The following WBP2NL variants were observed in gnomAD, a reference collection of about 807,000 sequenced individuals.
The protein encoded by WBP2NL is postacrosomal sheath WW domain-binding protein.
Under a neutral mutation model 23.3 loss-of-function variants are expected in WBP2NL, and 27 were observed. The observed-to-expected ratio is 1.16, with a 90% CI of 0.85 to 1.60. The LOEUF (loss-of-function observed/expected upper bound fraction) is 1.60, where lower values mean the gene tolerates loss of function less well. Ranked by LOEUF, WBP2NL falls within the 40% of genes most tolerant of loss-of-function variation. The probability of loss-of-function intolerance (pLI) is 0.00; values close to 1 mark genes in which losing one functional copy is unlikely to be tolerated. For synonymous variants in WBP2NL, 151 were observed against 145.9 expected (o/e 1.03, Z -0.25); for missense variants, 370 against 389.5 (o/e 0.95, Z 0.42).
intron 5 of WBP2NL, 38 bp from the exon 6 acceptor site, chr22:42,026,728 A>G (rs766153724): frequency 1.7e-5 from 27 of 1,597,194 alleles, no homozygotes; most frequent in Non-Finnish European, 2.1e-5. Context: ...CTTGACTTAA[A>G]GGTAACTGAA....
chr22:42,044,282 G>A (rs1286171983), intron 8 of WBP2NL, among the ~76,000 whole-genome samples: 1 of 151,698 alleles, frequency 6.6e-6, no homozygotes, highest in Non-Finnish European at 1.5e-5. Flanking sequence ...TGTTGACTAG[G>A]CTGGTCTTGA....
At chr22:42,049,691 AAAACAAAAC>A (rs1925747674) in intron 8 of WBP2NL, among the ~76,000 whole-genome samples, 1 of 56,310 alleles carries the variant, frequency 1.8e-5, no homozygotes, top group African/African-American at 1.7e-4. Flanking sequence ...CTCCGTCTCC[AAAACAAAAC>A]AAAACAAAAA....
chr22:42,051,046 A>G (rs1453092243), intron 8 of WBP2NL, among the ~76,000 whole-genome samples: 2 of 152,266 alleles, frequency 1.3e-5, no homozygotes, highest in Non-Finnish European at 2.9e-5. Flanking sequence ...TCAAATATTT[A>G]TAGCAGCTTT....
At chr22:41,999,416 G>A (rs544892862) in intron 1 of WBP2NL, among the ~76,000 whole-genome samples, 23 of 152,256 alleles carry the variant, frequency 1.5e-4, no homozygotes, top group African/African-American at 5.5e-4. Context: ...CTTCTCCTTG[G>A]ACCTGGAAAC....
intron 1 of WBP2NL, among the ~76,000 whole-genome samples, chr22:42,009,570 A>C (rs571433365): frequency 1.2e-4 from 18 of 152,258 alleles, no homozygotes; most frequent in African/African-American, 4.3e-4. Context: ...TGTTAAATAG[A>C]TTGTCTTTTC....
At chr22:42,012,463 C>T (rs1922909362) in intron 1 of WBP2NL, among the ~76,000 whole-genome samples, 1 of 152,100 alleles carries the variant, frequency 6.6e-6, no homozygotes. Context: ...TTCTTTGACT[C>T]ATTTATTTAA....
intron 5 of WBP2NL, among the ~76,000 whole-genome samples, chr22:42,024,662 T>A (rs1054572952): frequency 6.6e-6 from 1 of 151,948 alleles, no homozygotes; most frequent in Admixed American, 6.6e-5. Context: ...CTTTTGCCTA[T>A]TTTTTTTATT....
intron 1 of WBP2NL, among the ~76,000 whole-genome samples, chr22:42,000,855 A>AACCCAAAAGGTGAATC (rs888164104): frequency 2.6e-5 from 4 of 152,028 alleles, no homozygotes; most frequent in East Asian, 1.9e-4. Flanking sequence ...GAATTGCTTG[A>AACCCAAAAGGTGAATC]ACCCAAAAGG....
At position 42,056,511 on chromosome 22, in the gene WBP2NL, T is replaced by G. The variant is rs9623508; in HGVS notation, c.*274-1779T>G. ...ATGTGGATTCAAGTTACTAGTTTCC[T>G]TCCATTTTGGCCTGAAGGATGTCCT... On this transcript the variant is annotated intron_variant and NMD_transcript_variant, in intron 8 of 8. Coordinates refer to the WBP2NL transcript ENST00000436265. Among the ~76,000 whole-genome samples, 1,468 of 152,326 alleles carry G rather than the reference T, an allele frequency of 9.6e-3. 18 individuals are homozygous for G. Among genetic ancestry groups the G allele is most frequent in the African/African-American group, 0.033 (1,383 of 41,564 alleles).
intron 8 of WBP2NL, among the ~76,000 whole-genome samples, chr22:42,056,066 A>G (rs1017020816): frequency 3.3e-5 from 5 of 152,232 alleles, no homozygotes; most frequent in Non-Finnish European, 5.9e-5. Context: ...TCATTTTACT[A>G]TTTGTGTGTT....
chr22:42,023,973 C>T (rs1924233020), intron 5 of WBP2NL, among the ~76,000 whole-genome samples: 1 of 152,152 alleles, frequency 6.6e-6, no homozygotes, highest in African/African-American at 2.4e-5. Context: ...CACCTAATAG[C>T]CACTAAGAAG....
At chr22:42,021,745 A>C (rs932850438) in intron 4 of WBP2NL, among the ~76,000 whole-genome samples, 1 of 151,442 alleles carries the variant, frequency 6.6e-6, no homozygotes, top group Non-Finnish European at 1.5e-5. Context: ...TGCCCTTAAG[A>C]CACGTGCCAT....
At chr22:42,054,475 C>T (rs1428635184) in intron 8 of WBP2NL, among the ~76,000 whole-genome samples, 1 of 151,832 alleles carries the variant, frequency 6.6e-6, no homozygotes, top group African/African-American at 2.4e-5. Flanking sequence ...ATAAGCATGA[C>T]CCACCGTACC....
chr22:42,054,047 C>G (rs1184746530), intron 8 of WBP2NL, among the ~76,000 whole-genome samples: 1 of 152,150 alleles, frequency 6.6e-6, no homozygotes, highest in Admixed American at 6.5e-5. Context: ...CCATCCCAGC[C>G]TCCCAGTGTG....
At chr22:42,045,412 A>C (rs1221932635) in intron 8 of WBP2NL, among the ~76,000 whole-genome samples, 1 of 152,224 alleles carries the variant, frequency 6.6e-6, no homozygotes, top group Non-Finnish European at 1.5e-5. Context: ...CCTGGGCGAC[A>C]GAGCGAGACT....
downstream of WBP2NL, among the ~76,000 whole-genome samples, chr22:42,033,231 G>C (rs928026435): frequency 1.3e-5 from 2 of 152,230 alleles, no homozygotes; most frequent in African/African-American, 4.8e-5. Flanking sequence ...CGAGGCTGCA[G>C]CTGGACCAGT....
chr22:42,041,147 T>C (rs1213124076), intron 8 of WBP2NL, among the ~76,000 whole-genome samples: 1 of 152,202 alleles, frequency 6.6e-6, no homozygotes, highest in African/African-American at 2.4e-5. Context: ...TTTATCATTA[T>C]ATGACTTTCT....
chr22:42,002,995 A>G (rs1921853195), intron 1 of WBP2NL: 1 of 152,168 alleles, frequency 6.6e-6, no homozygotes, highest in Non-Finnish European at 1.5e-5. Context: ...TAAGAAAAGA[A>G]AAAAAAGAAA....
chr22:42,000,558 A>G (rs532836277), intron 1 of WBP2NL, among the ~76,000 whole-genome samples: 1 of 152,372 alleles, frequency 6.6e-6, no homozygotes, highest in East Asian at 1.9e-4. Flanking sequence ...AAAACTGGTC[A>G]GATGACTATT....
Sources: gnomAD v4.1 joint callset for allele counts (sites outside exome capture counted in the v4.1 genomes callset) on GRCh38, gnomAD v4.1.1 for gene constraint, MANE v1.5 for transcripts, NCBI Gene and HGNC (gene_info 2026-07-23, HGNC 2026-07-21) for gene names.